The following DOCK4 variants were observed in gnomAD, a reference collection of about 807,000 sequenced individuals.
The protein encoded by DOCK4 is dedicator of cytokinesis 4, also known as dedicator of cytokinesis protein 4.
Under a neutral mutation model 268.1 loss-of-function variants are expected in DOCK4, and 97 were observed. That is an observed-to-expected ratio of 0.36 (90% CI 0.31 to 0.43). DOCK4 has a LOEUF of 0.43. Among genes scored for constraint, DOCK4 ranks in the 20% least tolerant of loss-of-function variants. The pLI is 1.00. For synonymous variants in DOCK4, 954 were observed against 887.2 expected (o/e 1.08, Z -1.34); for missense variants, 2,145 against 2,455.7 (o/e 0.87, Z 2.67).
At chr7:112,157,757 G>A (rs1816754269) in intron 1 of DOCK4, among the ~76,000 whole-genome samples, 2 of 152,130 alleles carry the variant, frequency 1.3e-5, no homozygotes, top group Non-Finnish European at 2.9e-5. Context: ...TAAAGCACAG[G>A]GCATGTGCTG....
intron 1 of DOCK4, among the ~76,000 whole-genome samples, chr7:112,121,114 G>T (rs1812687356): frequency 6.6e-6 from 1 of 152,106 alleles, no homozygotes; most frequent in Non-Finnish European, 1.5e-5. Context: ...AGATATTTTT[G>T]TATGTTATAT....
Position 111,726,933 on chromosome 7 carries a change from G to C in DOCK4, c.*1341C>G, listed in dbSNP as rs1425909825. Reference sequence around the variant, plus strand: ...TAAAAAAGTGGTCACTGCCTTCCAGGTAAGCTACCAACAAAACAAACATGG... The same window carrying C: ...TAAAAAAGTGGTCACTGCCTTCCAGCTAAGCTACCAACAAAACAAACATGG... On this transcript the variant is annotated 3_prime_UTR_variant, in exon 53 of 53. Coordinates refer to ENST00000428084, the MANE Select transcript of DOCK4 (RefSeq NM_001363540.2). 1 of 152,458 alleles carries C rather than the reference G, an allele frequency of 6.6e-6. No homozygotes were observed. Among genetic ancestry groups the C allele is most frequent in the Non-Finnish European group, 1.5e-5 (1 of 67,992 alleles). 9.4% of individuals were successfully genotyped at this position (152,458 alleles called of 1,614,324 possible).
At chr7:111,895,548 G>T in intron 16 of DOCK4, 64 bp downstream of exon 16, 2 of 1,332,688 alleles carry the variant, frequency 1.5e-6, no homozygotes, top group African/African-American at 1.4e-5. Flanking sequence ...AAAATGATAA[G>T]ATAGTGAGGT....
At chr7:112,183,982 G>A (rs1449168229) in intron 1 of DOCK4, among the ~76,000 whole-genome samples, 3 of 152,070 alleles carry the variant, frequency 2.0e-5, no homozygotes, top group Non-Finnish European at 2.9e-5. Context: ...ACCTGCCCAG[G>A]TCTGAGGGCC....
intron 35 of DOCK4, among the ~76,000 whole-genome samples, chr7:111,782,493 T>C (rs546548122): frequency 6.6e-5 from 10 of 152,222 alleles, no homozygotes; most frequent in East Asian, 1.9e-4. Flanking sequence ...CAGAAAGAAA[T>C]TGCTACACAA....
intron 1 of DOCK4, among the ~76,000 whole-genome samples, chr7:112,055,379 G>C (rs1009627136): frequency 6.6e-6 from 1 of 152,102 alleles, no homozygotes; most frequent in African/African-American, 2.4e-5. Flanking sequence ...CACTCAGATG[G>C]AGACCCTGTA....
At chr7:111,935,168 G>A (rs200920521) in intron 12 of DOCK4, among the ~76,000 whole-genome samples, 3 of 150,922 alleles carry the variant, frequency 2.0e-5, no homozygotes, top group African/African-American at 2.4e-5. Flanking sequence ...GGTTGGTCTC[G>A]AACTCCTGAC....
chr7:111,756,312 G>A (rs1007729654), intron 41 of DOCK4, among the ~76,000 whole-genome samples: 1 of 152,128 alleles, frequency 6.6e-6, no homozygotes, highest in African/African-American at 2.4e-5. Flanking sequence ...TCGCCCCACT[G>A]CACTCCAGCC....
intron 34 of DOCK4, 54 bp from the exon 35 acceptor site, chr7:111,782,978 A>G: frequency 6.9e-7 from 1 of 1,447,106 alleles, no homozygotes; most frequent in South Asian, 1.2e-5. Context: ...AGGGGCAAAC[A>G]CAGTTTGTTC....
At chr7:112,086,470 G>A (rs1809104097) in intron 1 of DOCK4, among the ~76,000 whole-genome samples, 1 of 152,014 alleles carries the variant, frequency 6.6e-6, no homozygotes, top group African/African-American at 2.4e-5. Context: ...AGAACCGAGA[G>A]CACCAAAATT....
chr7:112,128,887 C>A (rs976900646), intron 1 of DOCK4, among the ~76,000 whole-genome samples: 2 of 151,962 alleles, frequency 1.3e-5, no homozygotes, highest in Non-Finnish European at 2.9e-5. Context: ...TCCCCCTCTG[C>A]GAGAAACACC....
intron 28 of DOCK4, among the ~76,000 whole-genome samples, 183 bp downstream of exon 28, chr7:111,811,691 G>A (rs1475206589): frequency 6.6e-6 from 1 of 152,010 alleles, no homozygotes; most frequent in African/African-American, 2.4e-5. Flanking sequence ...CTCCTTTTAA[G>A]CGCTATGATC....
chr7:112,157,371 C>T (rs1816714513), intron 1 of DOCK4, among the ~76,000 whole-genome samples: 1 of 152,038 alleles, frequency 6.6e-6, no homozygotes, highest in African/African-American at 2.4e-5. Flanking sequence ...CACTGCCGGC[C>T]AGATTCTACA....
chr7:111,830,094 T>C (rs911471537), intron 26 of DOCK4, among the ~76,000 whole-genome samples: 3 of 152,192 alleles, frequency 2.0e-5, no homozygotes, highest in Admixed American at 6.5e-5. Context: ...AATATTTGGT[T>C]TTAAACAAAA....
At chr7:112,192,913 A>G (rs1411215126) in intron 1 of DOCK4, among the ~76,000 whole-genome samples, 1 of 152,096 alleles carries the variant, frequency 6.6e-6, no homozygotes, top group Non-Finnish European at 1.5e-5. Flanking sequence ...GGTACTAGCT[A>G]CTCTCAGGAA....
chr7:111,736,819 A>G, intron 50 of DOCK4, 98 bp downstream of exon 50: 1 of 1,039,060 alleles, frequency 9.6e-7, no homozygotes, highest in Non-Finnish European at 1.5e-6. Context: ...TTAAAGAGCT[A>G]GAGCACTGCT....
intron 16 of DOCK4, among the ~76,000 whole-genome samples, chr7:111,886,415 G>C (rs888299007): frequency 6.6e-6 from 1 of 152,186 alleles, no homozygotes; most frequent in Non-Finnish European, 1.5e-5. Flanking sequence ...CTCTGCCCTT[G>C]AGGGCACTGC....
intron 1 of DOCK4, among the ~76,000 whole-genome samples, chr7:112,122,118 C>G (rs187865729): frequency 6.6e-6 from 1 of 151,976 alleles, no homozygotes; most frequent in African/African-American, 2.4e-5. Flanking sequence ...ATAGATCTTA[C>G]CCTGTCTTTT....
intron 8 of DOCK4, among the ~76,000 whole-genome samples, chr7:111,951,647 CAAAAAA>C (rs35968911): frequency 1.2e-5 from 1 of 85,852 alleles, no homozygotes; most frequent in Non-Finnish European, 2.6e-5. Flanking sequence ...CCATCGCTAC[CAAAAAA>C]AAAAAAAAAA....
Sources: gnomAD v4.1 joint callset for allele counts (sites outside exome capture counted in the v4.1 genomes callset) on GRCh38, gnomAD v4.1.1 for gene constraint, MANE v1.5 for transcripts, NCBI Gene and HGNC (gene_info 2026-07-23, HGNC 2026-07-21) for gene names.